The following STX16 variants were observed in gnomAD, a reference collection of about 807,000 sequenced individuals.
The protein encoded by STX16 is syntaxin 16, also known as syntaxin-16.
A neutral mutation model predicts 42.7 loss-of-function variants in STX16; 28 were observed. The ratio of observed to expected loss-of-function variants is 0.66; its 90% CI spans 0.49 to 0.90. The LOEUF is 0.90. Ranked by LOEUF, STX16 falls within the 40% of genes least tolerant of loss-of-function variation. The pLI is 0.00. For synonymous variants in STX16, 156 were observed against 155.2 expected, an observed-to-expected ratio of 1.00 and a Z score of -0.04; for missense variants, 361 against 420.9, an observed-to-expected ratio of 0.86 and a Z score of 1.24.
At chr20:58,671,325 A>G (rs766194853) in intron 7 of STX16, 28 bp downstream of exon 7, 3 of 1,584,508 alleles carry the variant, frequency 1.9e-6, no homozygotes, top group Non-Finnish European at 2.6e-6. Flanking sequence ...CCTCGTGAAT[A>G]GGTTTTCCTG....
chr20:58,661,005 G>C (rs2083685573), intron 2 of STX16, among the ~76,000 whole-genome samples: 1 of 151,848 alleles, frequency 6.6e-6, no homozygotes, highest in African/African-American at 2.4e-5. Context: ...CCTGTGTGGG[G>C]GTTTCCTTTC....
At chr20:58,675,097 G>T (rs1423201793) in intron 8 of STX16, among the ~76,000 whole-genome samples, 1 of 152,090 alleles carries the variant, frequency 6.6e-6, no homozygotes, top group African/African-American at 2.4e-5. Context: ...GGCAGCACGC[G>T]CGTGCTCGGC....
rs139859128 is a variant in STX16, at chr20:58,652,153, G to A, written c.132+15G>A. 3,746 of 1,612,964 alleles carry A rather than the reference G, an allele frequency of 2.3e-3. 33 individuals carry two copies. Among genetic ancestry groups the A allele is most frequent in the Middle Eastern group, 0.017 (106 of 6,060 alleles). ...GCATTGCTGCGGTGAGTCTCCTGGC[G>A]GCCTCTCCGACACACGGACCGTGTG... On this transcript the variant is annotated intron_variant, in intron 1 of 8. Transcript: ENST00000371141.
chr20:58,664,920 G>T (rs1467794690), intron 2 of STX16, among the ~76,000 whole-genome samples: 1 of 152,198 alleles, frequency 6.6e-6, no homozygotes, highest in Non-Finnish European at 1.5e-5. Context: ...TGGTGTAGTG[G>T]AAATTCTAGG....
At chr20:58,675,252 A>AC (rs1486910973) in intron 8 of STX16, among the ~76,000 whole-genome samples, 1 of 152,040 alleles carries the variant, frequency 6.6e-6, no homozygotes. Context: ...AAACAAGCCC[A>AC]CCGCGGGGGA....
At chr20:58,659,200 T>C (rs1158017132) in intron 1 of STX16, among the ~76,000 whole-genome samples, 1 of 152,244 alleles carries the variant, frequency 6.6e-6, no homozygotes. Context: ...TTTAACATGA[T>C]AAAATTACAT....
chr20:58,676,044 T>A, intron 8 of STX16, 143 bp from the exon 9 acceptor site: 1 of 648,152 alleles, frequency 1.5e-6, no homozygotes, highest in Non-Finnish European at 2.7e-6. Context: ...TGGGATTGAT[T>A]GGAGGGATTA....
At chr20:58,671,980 C>T (rs2083988251) in intron 7 of STX16, among the ~76,000 whole-genome samples, 1 of 152,072 alleles carries the variant, frequency 6.6e-6, no homozygotes, top group Admixed American at 6.6e-5. Flanking sequence ...TGGAAAATCC[C>T]TACACAAGAC....
intron 7 of STX16, 140 bp downstream of exon 7, chr20:58,671,437 GGT>G (rs540390363): frequency 0.042 from 9,377 of 221,858 alleles, 42 homozygotes; most frequent in East Asian, 0.1. Flanking sequence ...TGTGTGTGTG[GGT>G]GTGTGTGTGT....
rs1195156710 is a variant in STX16 at position 58,673,562 on chromosome 20, T to C, written c.793-69T>C. 5.7e-6 allele frequency: 6 copies of C among 1,049,368 alleles called. No individual in the cohort carries two copies. The East Asian group carries it at 1.4e-4, about 25-fold the overall frequency. 65.0% of individuals were successfully genotyped at this position (1,049,368 alleles called of 1,614,324 possible). On this transcript the variant is annotated intron_variant, in intron 7 of 8. Transcript: ENST00000371141. ...GATGATGATGTCTGTAATTTGCATA[T>C]CTCATTTTTGACGTTCAGTTTTCCC...
intron 7 of STX16, among the ~76,000 whole-genome samples, chr20:58,672,759 T>A (rs2084010802): frequency 6.6e-6 from 1 of 152,214 alleles, no homozygotes; most frequent in East Asian, 1.9e-4. Flanking sequence ...TATAGAAGAT[T>A]TCCCTTCTAA....
At chr20:58,664,690 T>C (rs2083775503) in intron 2 of STX16, among the ~76,000 whole-genome samples, 2 of 152,250 alleles carry the variant, frequency 1.3e-5, no homozygotes, top group South Asian at 2.1e-4. Flanking sequence ...CGACTTTTCA[T>C]ATGTGGTTTA....
At position 58,676,525 on chromosome 20, in the gene STX16, C is replaced by T; in HGVS notation, c.*234C>T. 1 of 479,184 alleles carries T rather than the reference C, an allele frequency of 2.1e-6. No homozygotes were observed. Among genetic ancestry groups the T allele is most frequent in the South Asian group, 3.3e-5 (1 of 29,988 alleles). The allele number at this position is 479,184 out of a possible 1,614,324, so 29.7% of individuals were successfully genotyped here. A position where few individuals can be genotyped will look rare whatever the true frequency, so the allele number is the denominator to read the frequency against. On this transcript the variant is annotated 3_prime_UTR_variant, in exon 9 of 9. Transcript: ENST00000371141. ...AATTTAAGGACCTTTGATACTGCTGCACAATAGAGATTGAGTTCTGGGATC... is the reference window on the plus strand; with the variant it reads ...AATTTAAGGACCTTTGATACTGCTGTACAATAGAGATTGAGTTCTGGGATC...
In STX16 at chr20:58,651,752, A is replaced by G; in HGVS notation, c.-255A>G. The G allele has an allele frequency of 2.4e-6, 1 of 422,006 alleles. No individual in the cohort carries two copies. 26.1% of individuals were successfully genotyped at this position (422,006 alleles called of 1,614,324 possible). On this transcript the variant is annotated 5_prime_UTR_variant, in exon 1 of 9. Coordinates refer to ENST00000371141, the MANE Select transcript of STX16 (RefSeq NM_001001433.3). Reference sequence around the variant, plus strand: ...GGATCGCTACGCAAGGATTGGGGGGATTCAAGTGCTTAGAGATCGAAGTCT... The same window carrying G: ...GGATCGCTACGCAAGGATTGGGGGGGTTCAAGTGCTTAGAGATCGAAGTCT...
intron 6 of STX16, among the ~76,000 whole-genome samples, chr20:58,670,834 AC>A (rs1364792184): frequency 6.6e-6 from 1 of 152,214 alleles, no homozygotes; most frequent in Non-Finnish European, 1.5e-5. Context: ...AAAGTGGTCA[AC>A]ACCCTGCCTT....
intron 8 of STX16, 104 bp downstream of exon 8, chr20:58,673,815 G>A: frequency 1.2e-6 from 1 of 826,560 alleles, no homozygotes; most frequent in Non-Finnish European, 2.0e-6. Context: ...GCATTCTTGT[G>A]TTGTCCACTC....
At chr20:58,652,371 A>ACCCCCCCCCCCCCCCCCCCCCCCCCC (rs11481928) in intron 1 of STX16, 6 of 462,014 alleles carry the variant, frequency 1.3e-5, no homozygotes, top group Admixed American at 2.9e-5. Flanking sequence ...CTTCCGCAGC[A>ACCCCCCCCCCCCCCCCCCCCCCCCCC]CCCCCCCCCC....
intron 8 of STX16, among the ~76,000 whole-genome samples, chr20:58,674,476 C>G (rs968505517): frequency 3.3e-5 from 5 of 152,192 alleles, no homozygotes; most frequent in African/African-American, 1.2e-4. Context: ...AGTGGAGTTT[C>G]TAGCCATATA....
chr20:58,664,032 G>GT (rs1401179123), intron 2 of STX16, among the ~76,000 whole-genome samples: 1 of 152,180 alleles, frequency 6.6e-6, no homozygotes, highest in Non-Finnish European at 1.5e-5. Context: ...TTCAGTAAGG[G>GT]TAAGGAGAGA....
Sources: gnomAD v4.1 joint callset for allele counts (sites outside exome capture counted in the v4.1 genomes callset) on GRCh38, gnomAD v4.1.1 for gene constraint, MANE v1.5 for transcripts, NCBI Gene and HGNC (gene_info 2026-07-23, HGNC 2026-07-21) for gene names.